PDK1: variants seen among roughly 807,000 people sequenced by gnomAD.
PDK1 encodes pyruvate dehydrogenase kinase 1, also known as [Pyruvate dehydrogenase (acetyl-transferring)] kinase isozyme 1, mitochondrial.
A neutral mutation model predicts 54.2 loss-of-function variants in PDK1; 39 were observed. The observed-to-expected ratio is 0.72, with a 90% CI of 0.56 to 0.94. PDK1 has a LOEUF of 0.94. PDK1 is among the 40% of genes least tolerant of loss of function. The pLI is 0.00. For synonymous variants in PDK1, 221 were observed against 207.1 expected, an observed-to-expected ratio of 1.07 and a Z score of -0.58; for missense variants, 552 against 566.0, an observed-to-expected ratio of 0.98 and a Z score of 0.25.
intron 8 of PDK1, among the ~76,000 whole-genome samples, chr2:172,580,699 A>G (rs186004016): frequency 1.1e-4 from 17 of 152,326 alleles, no homozygotes; most frequent in Admixed American, 2.0e-4. Flanking sequence ...GGTAGAAACA[A>G]CCCAAATATC....
chr2:172,653,851 G>A, the PDK1 span, among the ~76,000 whole-genome samples: 4 of 152,012 alleles, frequency 2.6e-5, no homozygotes, highest in Non-Finnish European at 5.9e-5. Context: ...TACAGAACGG[G>A]AGAAAATTTT....
the PDK1 span, among the ~76,000 whole-genome samples, chr2:172,667,862 C>T: frequency 3.5e-4 from 54 of 152,150 alleles, no homozygotes; most frequent in Non-Finnish European, 7.1e-4. Flanking sequence ...CTAAATGCCA[C>T]CAATGACAGC....
At chr2:172,558,881 T>C in intron 2 of PDK1, 32 bp downstream of exon 2, 1 of 1,591,872 alleles carries the variant, frequency 6.3e-7, no homozygotes, top group Non-Finnish European at 8.6e-7. Context: ...TGCAATTTGA[T>C]GGAGTTGTGG....
the PDK1 span, among the ~76,000 whole-genome samples, chr2:172,679,454 C>A: frequency 6.6e-6 from 1 of 152,042 alleles, no homozygotes; most frequent in African/African-American, 2.4e-5. Flanking sequence ...CTCTTAACAA[C>A]AACAACAACA....
At chr2:172,676,380 G>A in the PDK1 span, among the ~76,000 whole-genome samples, 17 of 152,198 alleles carry the variant, frequency 1.1e-4, no homozygotes, top group African/African-American at 3.6e-4. Flanking sequence ...CATTAAGAAC[G>A]TTAGTGATTC....
At position 172,556,122 on chromosome 2, in the gene PDK1, T is replaced by C. The variant is rs1480848286; in HGVS notation, c.-29T>C. The C allele has an allele frequency of 1.4e-4, 195 of 1,369,552 alleles. No homozygotes were observed. Among genetic ancestry groups the C allele is most frequent in the Non-Finnish European group, 1.6e-4 (174 of 1,066,990 alleles). The allele number at this position is 1,369,552 out of a possible 1,614,324, so 84.8% of individuals were successfully genotyped here. On this transcript the variant is annotated 5_prime_UTR_variant, in exon 1 of 11. Coordinates refer to ENST00000282077, the MANE Select transcript of PDK1 (RefSeq NM_002610.5). ...AGAGGCGCGGGGAAACCTGGCGTACTGGCTGTGGCTTCTCTAGCGGGACTC... is the reference window on the plus strand; with the variant it reads ...AGAGGCGCGGGGAAACCTGGCGTACCGGCTGTGGCTTCTCTAGCGGGACTC...
chr2:172,645,264 T>TTTA, the PDK1 span, among the ~76,000 whole-genome samples: 1 of 118,598 alleles, frequency 8.4e-6, no homozygotes, highest in Non-Finnish European at 1.7e-5. Context: ...AATAGGCTTT[T>TTTA]TTTTTTTTTT....
At chr2:172,574,437 C>A (rs1689468137) in intron 8 of PDK1, among the ~76,000 whole-genome samples, 1 of 152,118 alleles carries the variant, frequency 6.6e-6, no homozygotes, top group Non-Finnish European at 1.5e-5. Flanking sequence ...TTAGGATCAG[C>A]TTGTCAATTT....
At chr2:172,679,472 A>T in the PDK1 span, among the ~76,000 whole-genome samples, 1,382 of 152,236 alleles carry the variant, frequency 9.1e-3, 10 homozygotes, top group Admixed American at 0.016. Flanking sequence ...ACAACAAAAG[A>T]ATATTTTATT....
the PDK1 span, among the ~76,000 whole-genome samples, chr2:172,650,373 A>G: frequency 1.6e-4 from 24 of 152,346 alleles, no homozygotes; most frequent in African/African-American, 5.1e-4. Flanking sequence ...CAGCCACTGC[A>G]AAAACATGCC....
chr2:172,588,841 A>C (rs1690408284), intron 9 of PDK1, among the ~76,000 whole-genome samples: 1 of 152,212 alleles, frequency 6.6e-6, no homozygotes, highest in African/African-American at 2.4e-5. Flanking sequence ...GAACATCCAC[A>C]CATCTCTGTT....
the PDK1 span, among the ~76,000 whole-genome samples, chr2:172,632,164 G>T: frequency 6.6e-6 from 1 of 151,954 alleles, no homozygotes; most frequent in South Asian, 2.1e-4. Flanking sequence ...GCTATAGGGA[G>T]GCTGAGGCAG....
At chr2:172,570,242 T>C (rs1412308518) in intron 7 of PDK1, among the ~76,000 whole-genome samples, 1 of 152,208 alleles carries the variant, frequency 6.6e-6, no homozygotes, top group Non-Finnish European at 1.5e-5. Context: ...AGCTTTACAA[T>C]GACAATACCC....
At chr2:172,716,656 AATTT>A in the PDK1 span, among the ~76,000 whole-genome samples, 23 of 152,190 alleles carry the variant, frequency 1.5e-4, no homozygotes, top group African/African-American at 5.1e-4. Context: ...CTTAATAAAT[AATTT>A]ATTTTCTTAT....
At chr2:172,609,566 A>G (rs1015764289), downstream of PDK1, among the ~76,000 whole-genome samples, 10 of 152,248 alleles carry the variant, frequency 6.6e-5, no homozygotes, top group African/African-American at 2.2e-4. Context: ...CACATAGAAG[A>G]ATTTATTAGA....
At chr2:172,634,732 C>A in the PDK1 span, among the ~76,000 whole-genome samples, 1 of 150,176 alleles carries the variant, frequency 6.7e-6, no homozygotes, top group Non-Finnish European at 1.5e-5. Context: ...CTCAATCCTA[C>A]CTTCTAATCT....
intron 9 of PDK1, among the ~76,000 whole-genome samples, chr2:172,589,082 C>T (rs1690423991): frequency 1.3e-5 from 2 of 152,128 alleles, no homozygotes; most frequent in African/African-American, 2.4e-5. Flanking sequence ...GTTTTTCTTC[C>T]CTGTTAACTG....
chr2:172,567,065 CAT>C (rs914627781), intron 6 of PDK1, 132 bp downstream of exon 6: 21 of 510,770 alleles, frequency 4.1e-5, no homozygotes, highest in African/African-American at 3.3e-4. Context: ...GGATAGTAAT[CAT>C]GTAAAAAATA....
intron 5 of PDK1, among the ~76,000 whole-genome samples, chr2:172,566,415 C>T (rs1045789353): frequency 3.3e-5 from 5 of 152,052 alleles, no homozygotes; most frequent in Non-Finnish European, 5.9e-5. Context: ...ATTAGCTGGG[C>T]GTGGTGACCC....
Sources: allele counts gnomAD v4.1 joint callset (sites outside exome capture counted in the v4.1 genomes callset), GRCh38; gene constraint gnomAD v4.1.1; transcripts MANE v1.5; gene names NCBI Gene and HGNC (gene_info 2026-07-23, HGNC 2026-07-21).